LRP2: variants seen among roughly 807,000 people sequenced by gnomAD.
LRP2 encodes the protein LDL receptor related protein 2.
In LRP2, 172 loss-of-function variants were observed where a neutral mutation model predicts 531.0. That is an observed-to-expected ratio of 0.32 (90% CI 0.29 to 0.37). The LOEUF (loss-of-function observed/expected upper bound fraction) is 0.37, where lower values mean the gene tolerates loss of function less well. LRP2 is among the 10% of genes least tolerant of loss of function. LRP2 has a pLI of 1.00. For missense variants in LRP2, 5,167 were observed against 5,868.3 expected (o/e 0.88, Z 3.90); for synonymous variants, 1,992 against 2,027.6 (o/e 0.98, Z 0.47).
chr2:169,177,923 A>T lies in LRP2; in HGVS notation c.10273T>A (p.Trp3425Arg), dbSNP rs536965639. The change falls in exon 53 of 79, where the codon TGG becomes AGG. Residue 3425 changes from tryptophan (W) to arginine (R), a missense_variant. This residue lies in a region of LRP2 where 1,129 missense variants were observed against 1,362.7 expected (regional missense o/e 0.83). Transcript: ENST00000649046. ...CCCTTTTCCACTGTCCTTGTATTCC[A>T]ATCTGTCCAATAAATAGTGTCTTCA... ...IFEDTIYWTDWNTRTVEKGNK... is the reference protein window; with the variant it reads ...IFEDTIYWTDRNTRTVEKGNK... 6.2e-7 allele frequency: 1 copy of T among 1,614,186 alleles called. No individual in the cohort carries two copies. Among genetic ancestry groups the T allele is most frequent in the Non-Finnish European group, 8.5e-7 (1 of 1,180,024 alleles).
chr2:169,269,776 G>T (rs144217779), intron 16 of LRP2, among the ~76,000 whole-genome samples: 2 of 152,090 alleles, frequency 1.3e-5, no homozygotes, highest in Admixed American at 1.3e-4. Flanking sequence ...AGACTAAAGA[G>T]CTTCTGCACA....
intron 1 of LRP2, among the ~76,000 whole-genome samples, chr2:169,331,601 C>A (rs541830907): frequency 6.6e-6 from 1 of 152,290 alleles, no homozygotes; most frequent in Admixed American, 6.5e-5. Flanking sequence ...TTATTTACAT[C>A]TTTCATGGTA....
intron 70 of LRP2, among the ~76,000 whole-genome samples, 179 bp downstream of exon 70, chr2:169,145,568 T>C (rs976458082): frequency 6.6e-5 from 10 of 152,318 alleles, no homozygotes; most frequent in African/African-American, 2.4e-4. Flanking sequence ...TTATCTTTCT[T>C]TGGTGAAAAT....
At chr2:169,258,349 G>A (rs1037061250) in intron 17 of LRP2, among the ~76,000 whole-genome samples, 12 of 152,232 alleles carry the variant, frequency 7.9e-5, no homozygotes, top group African/African-American at 2.6e-4. Context: ...AAGCTGATGA[G>A]ATTATATATC....
chr2:169,298,360 C>T (rs1281643218), intron 4 of LRP2, among the ~76,000 whole-genome samples: 2 of 151,960 alleles, frequency 1.3e-5, no homozygotes, highest in African/African-American at 4.8e-5. Context: ...AGAGTAAGAA[C>T]CTGAGCATTA....
chr2:169,203,018 C>T (rs1688253432), intron 42 of LRP2, 59 bp from the exon 43 acceptor site: 7 of 1,421,898 alleles, frequency 4.9e-6, no homozygotes, highest in Non-Finnish European at 6.9e-6. Context: ...TTCACATTGA[C>T]CCCTCCACAA....
At chr2:169,248,000 A>T (rs1347761604) in intron 19 of LRP2, among the ~76,000 whole-genome samples, 3 of 152,116 alleles carry the variant, frequency 2.0e-5, no homozygotes, top group African/African-American at 7.2e-5. Context: ...TTAAATTGTA[A>T]TTTTTTTCCC....
At chr2:169,360,228 CATTTTCTAGCAGT>C (rs1039100693) in intron 1 of LRP2, among the ~76,000 whole-genome samples, 126 of 151,738 alleles carry the variant, frequency 8.3e-4, no homozygotes, top group African/African-American at 2.9e-3. Flanking sequence ...TTGAGTTTGC[CATTTTCTAGCAGT>C]ATGAACTGAG....
In LRP2 at chr2:169,170,684, C is replaced by A; in HGVS notation, c.11264-17G>T. 6.4e-7 allele frequency: 1 copy of A among 1,559,338 alleles called. No homozygotes were observed. On this transcript the variant is annotated splice_polypyrimidine_tract_variant and intron_variant, in intron 58 of 78. Coordinates refer to ENST00000649046, the MANE Select transcript of LRP2 (RefSeq NM_004525.3). ...CCCGGGGAGCTGGAAAGGAAAGGCA[C>A]CTGGCCATGAGTGTGCACCAGGAAT...
intron 9 of LRP2, among the ~76,000 whole-genome samples, chr2:169,287,668 G>GA (rs1683893854): frequency 6.7e-6 from 1 of 149,988 alleles, no homozygotes; most frequent in Non-Finnish European, 1.5e-5. Flanking sequence ...TAATAATAAA[G>GA]AAAAAAAGAA....
intron 48 of LRP2, among the ~76,000 whole-genome samples, chr2:169,190,449 C>T (rs531232126): frequency 4.6e-5 from 7 of 152,086 alleles, no homozygotes; most frequent in Non-Finnish European, 1.0e-4. Flanking sequence ...GCTCCTTCAC[C>T]TCCTCCTTCT....
At chr2:169,309,142 G>T (rs1250603175) in intron 3 of LRP2, among the ~76,000 whole-genome samples, 1 of 152,176 alleles carries the variant, frequency 6.6e-6, no homozygotes, top group Admixed American at 6.5e-5. Flanking sequence ...CAGATGGGTA[G>T]ATTGCAAAAA....
chr2:169,234,936 G>T (rs1225548922), intron 29 of LRP2, among the ~76,000 whole-genome samples: 3 of 150,190 alleles, frequency 2.0e-5, no homozygotes, highest in East Asian at 1.9e-4. Context: ...TGAAAACAGG[G>T]TCTCACTTTG....
intron 54 of LRP2, 89 bp from the exon 55 acceptor site, chr2:169,175,478 A>G (rs1574098180): frequency 2.6e-6 from 3 of 1,171,718 alleles, no homozygotes; most frequent in Non-Finnish European, 3.8e-6. Flanking sequence ...ATTCCAAGAA[A>G]TGACATGCAT....
intron 52 of LRP2, among the ~76,000 whole-genome samples, chr2:169,180,065 T>C (rs1209033144): frequency 2.0e-5 from 3 of 152,204 alleles, no homozygotes; most frequent in East Asian, 3.9e-4. Context: ...AGAAAATTCC[T>C]TTTTTCATCT....
chr2:169,240,232 G>A (rs908962252), intron 25 of LRP2, among the ~76,000 whole-genome samples: 4 of 152,208 alleles, frequency 2.6e-5, no homozygotes, highest in African/African-American at 9.6e-5. Flanking sequence ...AAAGGGGAAA[G>A]GTCATTGAAA....
Position 169,176,361 on chromosome 2 carries a change from T to A in LRP2, c.10571+50A>T, listed in dbSNP as rs547655542. On this transcript the variant is annotated intron_variant, in intron 54 of 78. Transcript: ENST00000649046. The stretch of plus-strand genomic sequence containing the variant: ...TCCCTTGGAGCCTTGAAGGTCAATG[T>A]CTGTCCACGGGCTAGAGAGGCACTG... The A allele has an allele frequency of 1.9e-6, 3 of 1,608,768 alleles. No homozygotes were observed. The Admixed American group carries it at 5.0e-5, about 27-fold the overall frequency.
At chr2:169,296,383 C>G (rs1218835162) in intron 4 of LRP2, among the ~76,000 whole-genome samples, 1 of 151,846 alleles carries the variant, frequency 6.6e-6, no homozygotes, top group Non-Finnish European at 1.5e-5. Flanking sequence ...CGTCTTTCCT[C>G]GCTGAGATGA....
At chr2:169,361,485 T>C (rs1686162222) in intron 1 of LRP2, among the ~76,000 whole-genome samples, 1 of 151,182 alleles carries the variant, frequency 6.6e-6, no homozygotes, top group Non-Finnish European at 1.5e-5. Context: ...TTGCTTCTCT[T>C]ACGCTCTCTC....
Sources: gnomAD v4.1 joint callset for allele counts (sites outside exome capture counted in the v4.1 genomes callset) on GRCh38, gnomAD v4.1.1 for gene constraint, gnomAD v4.1.1 regional missense constraint, MANE v1.5 for transcripts, NCBI Gene and HGNC (gene_info 2026-07-23, HGNC 2026-07-21) for gene names.